Variants in MYO6 observed in about 807,000 individuals in gnomAD.
MYO6 encodes the protein unconventional myosin-VI.
MYO6 carries 74 observed loss-of-function variants against 178.7 expected under a neutral mutation model. The observed-to-expected ratio is 0.41, with a 90% confidence interval of 0.34 to 0.50. The LOEUF is 0.50. Among genes scored for constraint, MYO6 ranks in the 20% least tolerant of loss-of-function variants. MYO6 has a pLI of 0.09. For missense variants in MYO6, 1,330 were observed against 1,547.4 expected (o/e 0.86, Z 2.36); for synonymous variants, 477 against 504.6 (o/e 0.95, Z 0.73).
intron 1 of MYO6, among the ~76,000 whole-genome samples, chr6:75,808,432 C>G (rs1032823498): frequency 2.1e-4 from 32 of 152,166 alleles, no homozygotes; most frequent in African/African-American, 6.3e-4. Context: ...TAGAACCCTA[C>G]CCTTCTGACC....
intron 18 of MYO6, among the ~76,000 whole-genome samples, chr6:75,869,263 T>G (rs549987240): frequency 6.6e-6 from 1 of 152,232 alleles, no homozygotes; most frequent in East Asian, 1.9e-4. Flanking sequence ...ATTTCTTTAA[T>G]TCAATGACAA....
At chr6:75,840,761 C>A in intron 8 of MYO6, 79 bp downstream of exon 8, 1 of 1,023,580 alleles carries the variant, frequency 9.8e-7, no homozygotes, top group Non-Finnish European at 1.5e-6. Context: ...GCTGTATTTG[C>A]ACTTAATGGT....
chr6:75,905,237 G>T (rs184927868), intron 30 of MYO6, among the ~76,000 whole-genome samples: 46 of 152,364 alleles, frequency 3.0e-4, no homozygotes, highest in South Asian at 1.9e-3. Flanking sequence ...GCCTTCTTGA[G>T]CTGTGATGCT....
At position 75,884,586 on chromosome 6, in the gene MYO6, C is replaced by T. The variant is rs901742145; in HGVS notation, c.2417-1418C>T. ...AGAGAGACAGTAATTAATGTAGAGT[C>T]GGCTGTACGGGACACTGGAGTTTTA... On this transcript the variant is annotated intron_variant, in intron 23 of 34. Transcript: ENST00000369977. Among the ~76,000 whole-genome samples, 10 of 152,252 alleles carry T rather than the reference C, an allele frequency of 6.6e-5. No homozygotes were observed. In the East Asian group the frequency reaches 1.3e-3, roughly 21 times the overall value.
intron 1 of MYO6, among the ~76,000 whole-genome samples, chr6:75,787,442 A>T (rs764894470): frequency 1.1e-4 from 16 of 152,124 alleles, no homozygotes; most frequent in Admixed American, 9.2e-4. Flanking sequence ...AACAACATGC[A>T]TGAATCTCAC....
At chr6:75,791,706 A>G (rs1562164469) in intron 1 of MYO6, among the ~76,000 whole-genome samples, 1 of 152,226 alleles carries the variant, frequency 6.6e-6, no homozygotes, top group Non-Finnish European at 1.5e-5. Flanking sequence ...TGTGAAGCAG[A>G]AGCATTTGGC....
intron 25 of MYO6, 125 bp from the exon 26 acceptor site, chr6:75,889,930 CAA>C (rs1778770223): frequency 3.2e-6 from 2 of 618,876 alleles, no homozygotes; most frequent in Admixed American, 3.1e-5. Flanking sequence ...TTGTAAAAAA[CAA>C]TAAAAACATT....
At chr6:75,899,097 T>G (rs1048999387) in intron 30 of MYO6, among the ~76,000 whole-genome samples, 1 of 152,098 alleles carries the variant, frequency 6.6e-6, no homozygotes, top group African/African-American at 2.4e-5. Context: ...ACTCCAGAGA[T>G]GGGGGTGGGG....
chr6:75,820,405 T>C (rs1051203330), intron 2 of MYO6, among the ~76,000 whole-genome samples: 5 of 152,176 alleles, frequency 3.3e-5, no homozygotes, highest in African/African-American at 1.2e-4. Context: ...GTTTTGCTAT[T>C]GTCGCCCAGG....
intron 22 of MYO6, 24 bp downstream of exon 22, chr6:75,880,144 A>G: frequency 6.6e-7 from 1 of 1,514,456 alleles, no homozygotes; most frequent in Non-Finnish European, 9.1e-7. Flanking sequence ...TTTTACTTTA[A>G]ACTGTAACAT....
At chr6:75,887,242 C>T (rs1038235414) in intron 25 of MYO6, among the ~76,000 whole-genome samples, 1 of 152,170 alleles carries the variant, frequency 6.6e-6, no homozygotes, top group African/African-American at 2.4e-5. Flanking sequence ...ATATCCCTCG[C>T]AACTTAATAC....
chr6:75,814,577 T>C (rs1010450260), intron 1 of MYO6, among the ~76,000 whole-genome samples: 1 of 152,096 alleles, frequency 6.6e-6, no homozygotes, highest in African/African-American at 2.4e-5. Flanking sequence ...TGAAGATATT[T>C]CAGGATGAGC....
chr6:75,756,893 G>T (rs371372329), intron 1 of MYO6, among the ~76,000 whole-genome samples: 2 of 79,760 alleles, frequency 2.5e-5, no homozygotes, highest in African/African-American at 6.6e-5. Flanking sequence ...TGTTGTGTGT[G>T]TATATATATA....
At chr6:75,775,041 G>T (rs906089940) in intron 1 of MYO6, among the ~76,000 whole-genome samples, 24 of 152,200 alleles carry the variant, frequency 1.6e-4, no homozygotes, top group African/African-American at 5.3e-4. Context: ...TGATCTGCCC[G>T]CCTCAGCCTC....
chr6:75,864,691 T>A (rs779816580), intron 16 of MYO6, among the ~76,000 whole-genome samples: 20 of 152,154 alleles, frequency 1.3e-4, no homozygotes, highest in Non-Finnish European at 2.4e-4. Flanking sequence ...GACAGTAAAC[T>A]GAAGCATCAA....
chr6:75,906,003 A>G (rs1437247902), intron 30 of MYO6, among the ~76,000 whole-genome samples: 2 of 152,182 alleles, frequency 1.3e-5, no homozygotes, highest in East Asian at 1.9e-4. Context: ...GCTTGCCAGG[A>G]TGGCTGTTAT....
In MYO6 at chr6:75,854,275, C is replaced by CTTTTTTTT. The variant is rs61398235; in HGVS notation, c.1079-839_1079-832dup. 9.7e-4 allele frequency among the ~76,000 whole-genome samples: 44 copies of CTTTTTTTT among 45,504 alleles called. 3 individuals carry two copies. The highest frequency in any genetic ancestry group is 1.8e-3 in the African/African-American group (16 of 9,100). 29.9% of individuals were successfully genotyped at this position (45,504 alleles called of 152,430 possible). ...CATGGGTCAAGACCTAACTGCATTG[C>CTTTTTTTT]TTTTTTTTTTTTTTTTTTTTTTTTT... On this transcript the variant is annotated intron_variant, in intron 11 of 34. Transcript: ENST00000369977.
intron 16 of MYO6, among the ~76,000 whole-genome samples, chr6:75,865,989 T>A (rs919693600): frequency 6.6e-6 from 1 of 152,184 alleles, no homozygotes; most frequent in Non-Finnish European, 1.5e-5. Context: ...ATAAGCCTGA[T>A]GATTGGATTT....
At chr6:75,770,772 T>G (rs993943764) in intron 1 of MYO6, among the ~76,000 whole-genome samples, 1 of 151,928 alleles carries the variant, frequency 6.6e-6, no homozygotes, top group African/African-American at 2.4e-5. Context: ...CCAGTGCCCT[T>G]GGCCTCATTT....
Sources: gnomAD v4.1 joint callset for allele counts (sites outside exome capture counted in the v4.1 genomes callset) on GRCh38, gnomAD v4.1.1 for gene constraint, MANE v1.5 for transcripts, NCBI Gene and HGNC (gene_info 2026-07-23, HGNC 2026-07-21) for gene names.